Variants in PRKN observed in about 807,000 individuals in gnomAD.
PRKN encodes E3 ubiquitin-protein ligase parkin.
A neutral mutation model predicts 59.5 loss-of-function variants in PRKN; 56 were observed. The ratio of observed to expected loss-of-function variants is 0.94; its 90% CI spans 0.76 to 1.18. The LOEUF (loss-of-function observed/expected upper bound fraction) is 1.18, where lower values mean the gene tolerates loss of function less well. Ranked by LOEUF, PRKN falls within the 50% of genes most tolerant of loss-of-function variation. The probability of loss-of-function intolerance (pLI) is 0.00; values close to 1 mark genes in which losing one functional copy is unlikely to be tolerated. For missense variants in PRKN, 657 were observed against 596.4 expected (o/e 1.10, Z -1.06); for synonymous variants, 250 against 222.1 (o/e 1.13, Z -1.12).
chr6:162,648,313 T>G (rs753012897), intron 1 of PRKN, among the ~76,000 whole-genome samples: 1 of 152,178 alleles, frequency 6.6e-6, no homozygotes, highest in Admixed American at 6.5e-5. Context: ...ATGGTCACTA[T>G]GTGTTTAAAG....
rs539753121 is a variant in PRKN at position 162,306,679 on chromosome 6, C to T, written c.172-43914G>A. 9.9e-5 allele frequency among the ~76,000 whole-genome samples: 15 copies of T among 152,256 alleles called. No individual in the cohort carries two copies. In the East Asian group the frequency reaches 1.4e-3, roughly 14 times the overall value. On this transcript the variant is annotated intron_variant, in intron 2 of 11. Transcript: ENST00000366898. The stretch of plus-strand genomic sequence containing the variant: ...AGCAACTACTATGTGTCCGGTACTA[C>T]GCCAGGCAGTGGGAGAATGAAGAAA...
At chr6:161,889,174 G>A (rs989695888) in intron 6 of PRKN, among the ~76,000 whole-genome samples, 5 of 152,124 alleles carry the variant, frequency 3.3e-5, no homozygotes, top group Non-Finnish European at 5.9e-5. Context: ...AAGTAACCAC[G>A]AAGTCAGAGA....
At chr6:162,185,284 T>C (rs946556087) in intron 4 of PRKN, among the ~76,000 whole-genome samples, 5 of 152,070 alleles carry the variant, frequency 3.3e-5, no homozygotes, top group African/African-American at 1.2e-4. Flanking sequence ...GTAAACTTAC[T>C]TTTTCCCCCC....
intron 4 of PRKN, among the ~76,000 whole-genome samples, chr6:162,060,817 T>C (rs1484310637): frequency 1.3e-5 from 2 of 152,216 alleles, no homozygotes; most frequent in Non-Finnish European, 2.9e-5. Flanking sequence ...TTTTGAAAAA[T>C]GTTATTTAAT....
intron 6 of PRKN, among the ~76,000 whole-genome samples, chr6:161,925,838 G>T (rs1583354851): frequency 6.6e-6 from 1 of 152,294 alleles, no homozygotes; most frequent in Non-Finnish European, 1.5e-5. Flanking sequence ...TTTGCTAGTT[G>T]ATGATGAAGA....
chr6:162,345,369 G>A (rs1255616594), intron 2 of PRKN, among the ~76,000 whole-genome samples: 1 of 152,184 alleles, frequency 6.6e-6, no homozygotes, highest in Non-Finnish European at 1.5e-5. Context: ...GAAACAAACT[G>A]ATAATAGCAA....
At chr6:161,909,730 C>T (rs185310411) in intron 6 of PRKN, among the ~76,000 whole-genome samples, 1 of 152,282 alleles carries the variant, frequency 6.6e-6, no homozygotes, top group East Asian at 1.9e-4. Flanking sequence ...CAGAGGTGCT[C>T]TTGAGGCCCA....
At chr6:162,143,716 T>A (rs1781883385) in intron 4 of PRKN, among the ~76,000 whole-genome samples, 1 of 152,178 alleles carries the variant, frequency 6.6e-6, no homozygotes, top group South Asian at 2.1e-4. Flanking sequence ...CAGGGTATAA[T>A]GAGATTGCCC....
At chr6:162,467,968 C>G (rs1476935894) in intron 1 of PRKN, among the ~76,000 whole-genome samples, 2 of 152,202 alleles carry the variant, frequency 1.3e-5, no homozygotes, top group Non-Finnish European at 2.9e-5. Context: ...TAGAGAGTAT[C>G]TCAAATGCCA....
At chr6:162,687,165 T>TA in intron 1 of PRKN, among the ~76,000 whole-genome samples, 1 of 151,442 alleles carries the variant, frequency 6.6e-6, no homozygotes, top group Non-Finnish European at 1.5e-5. Flanking sequence ...GATCTATGAT[T>TA]AGAGTTAAAA....
Position 161,544,504 on chromosome 6 carries a change from TTA to T in PRKN, c.1083+4348_1083+4349del, listed in dbSNP as rs869092435. Among the ~76,000 whole-genome samples the T allele has an allele frequency of 1.6e-5, 2 of 124,202 alleles. No individual in the cohort carries two copies. Among genetic ancestry groups the T allele is most frequent in the Admixed American group, 7.7e-5 (1 of 13,026 alleles). The allele number at this position is 124,202 out of a possible 152,430, so 81.5% of individuals were successfully genotyped here. ...ATTAAGATTCACTCAACCATTTATT[TTA>T]TTCATTCATTCATTCATTCATTCAT... On this transcript the variant is annotated intron_variant, in intron 9 of 11. Transcript: ENST00000366898. The surrounding 1 kb of genome is among the most constrained non-coding windows in gnomAD (Gnocchi z 5.5).
At chr6:161,493,707 G>T (rs572630353) in intron 9 of PRKN, among the ~76,000 whole-genome samples, 1 of 152,232 alleles carries the variant, frequency 6.6e-6, no homozygotes, top group Non-Finnish European at 1.5e-5. Context: ...AGTTGATTCC[G>T]CATAGAGCAT....
chr6:161,842,746 C>A (rs1320675601), intron 6 of PRKN, among the ~76,000 whole-genome samples: 1 of 152,084 alleles, frequency 6.6e-6, no homozygotes, highest in Middle Eastern at 3.4e-3. Context: ...GATGGGTTTT[C>A]ACTATGTTGG....
intron 4 of PRKN, among the ~76,000 whole-genome samples, chr6:162,083,074 C>G (rs1779121547): frequency 6.6e-6 from 1 of 152,040 alleles, no homozygotes; most frequent in Non-Finnish European, 1.5e-5. Flanking sequence ...CCTGCCTCAG[C>G]CTCCCAAGTA....
At chr6:161,759,201 G>T (rs1789085357) in intron 7 of PRKN, among the ~76,000 whole-genome samples, 1 of 151,634 alleles carries the variant, frequency 6.6e-6, no homozygotes, top group South Asian at 2.1e-4. Flanking sequence ...ATTAAAACAA[G>T]AGATAATCTC....
At chr6:162,413,126 T>C (rs1046260239) in intron 2 of PRKN, among the ~76,000 whole-genome samples, 4 of 152,226 alleles carry the variant, frequency 2.6e-5, no homozygotes, top group Non-Finnish European at 5.9e-5. Context: ...GTAAGACCAG[T>C]CTGGTCTGAA....
intron 2 of PRKN, among the ~76,000 whole-genome samples, chr6:162,325,318 T>C (rs574880182): frequency 6.7e-4 from 102 of 152,180 alleles, no homozygotes; most frequent in Non-Finnish European, 1.2e-3. Context: ...CTCTGTGCTA[T>C]TGACTATCCT....
chr6:161,953,852 T>C (rs1197657899), intron 6 of PRKN, among the ~76,000 whole-genome samples: 3 of 152,178 alleles, frequency 2.0e-5, no homozygotes, highest in African/African-American at 4.8e-5. Context: ...TTCCTACTTA[T>C]AATCAGTGGT....
chr6:161,902,342 A>G (rs1189058463), intron 6 of PRKN, among the ~76,000 whole-genome samples: 3 of 152,130 alleles, frequency 2.0e-5, no homozygotes, highest in Non-Finnish European at 2.9e-5. Flanking sequence ...AAATCACGAG[A>G]GAAGACTGCT....
Sources: allele counts gnomAD v4.1 joint callset (sites outside exome capture counted in the v4.1 genomes callset), GRCh38; gene constraint gnomAD v4.1.1; non-coding constraint Gnocchi (gnomAD v3.1); transcripts MANE v1.5; gene names NCBI Gene and HGNC (gene_info 2026-07-23, HGNC 2026-07-21).